The following SYN3 variants were observed in gnomAD, a reference collection of about 807,000 sequenced individuals.
SYN3 encodes the protein synapsin III.
SYN3 carries 35 observed loss-of-function variants against 65.8 expected under a neutral mutation model. The ratio of observed to expected loss-of-function variants is 0.53; its 90% confidence interval spans 0.41 to 0.70. SYN3 has a LOEUF of 0.70. SYN3 is among the 30% of genes least tolerant of loss of function. SYN3 has a pLI of 0.00. For missense variants in SYN3, 680 were observed against 749.0 expected (o/e 0.91, Z 1.08); for synonymous variants, 270 against 292.9 (o/e 0.92, Z 0.80).
chr22:32,559,108 T>G (rs961425907), intron 7 of SYN3, among the ~76,000 whole-genome samples: 1 of 152,204 alleles, frequency 6.6e-6, no homozygotes, highest in African/African-American at 2.4e-5. Flanking sequence ...GTACTACTAT[T>G]CCCATTTCAT....
intron 4 of SYN3, among the ~76,000 whole-genome samples, chr22:32,888,771 A>G (rs1318843105): frequency 6.6e-6 from 1 of 152,208 alleles, no homozygotes; most frequent in Admixed American, 6.5e-5. Flanking sequence ...ATGACACTCA[A>G]TGGAAATGGT....
intron 6 of SYN3, among the ~76,000 whole-genome samples, chr22:32,602,399 CT>C (rs1257383575): frequency 6.6e-6 from 1 of 152,114 alleles, no homozygotes; most frequent in Non-Finnish European, 1.5e-5. Flanking sequence ...GTATACACCC[CT>C]CCTCCCATGT....
intron 6 of SYN3, among the ~76,000 whole-genome samples, chr22:32,599,879 C>A (rs1335034182): frequency 6.6e-6 from 1 of 152,088 alleles, no homozygotes; most frequent in Non-Finnish European, 1.5e-5. Context: ...TGCTTGGACC[C>A]ATGGGCTGTA....
At position 32,836,191 on chromosome 22, in the gene SYN3, G is replaced by A. The variant is rs187791714; in HGVS notation, c.711+28724C>T. On this transcript the variant is annotated intron_variant, in intron 6 of 13. Transcript: ENST00000358763. The stretch of plus-strand genomic sequence containing the variant: ...TGGGGAATGGTTTTAAGAGTAAGAT[G>A]TACTGTTTGTAAAGTGTGTCTGTCT... 1.8e-4 allele frequency among the ~76,000 whole-genome samples: 28 copies of A among 152,328 alleles called. No individual in the cohort carries two copies. The East Asian group carries it at 4.0e-3, about 22-fold the overall frequency.
intron 3 of SYN3, among the ~76,000 whole-genome samples, chr22:32,950,384 C>G (rs1323664128): frequency 6.6e-6 from 1 of 152,088 alleles, no homozygotes; most frequent in South Asian, 2.1e-4. Context: ...GGGGGTGATT[C>G]TGGCCTCCAC....
chr22:32,738,521 T>A (rs1308158462), intron 6 of SYN3, among the ~76,000 whole-genome samples: 1 of 152,238 alleles, frequency 6.6e-6, no homozygotes, highest in East Asian at 1.9e-4. Flanking sequence ...GATATCTGAT[T>A]TCCTGTAAAA....
intron 1 of SYN3, among the ~76,000 whole-genome samples, chr22:33,013,942 T>C (rs1310737593): frequency 6.6e-6 from 1 of 151,990 alleles, no homozygotes; most frequent in African/African-American, 2.4e-5. Context: ...TCTCACTCTG[T>C]TGCCCAGGCT....
chr22:32,769,975 T>C (rs182468345), intron 6 of SYN3, among the ~76,000 whole-genome samples: 11 of 152,328 alleles, frequency 7.2e-5, no homozygotes, highest in African/African-American at 2.4e-4. Flanking sequence ...ACATGTCCCA[T>C]TGGAGGCCTA....
At position 32,626,241 on chromosome 22, in the gene SYN3, C is replaced by T. The variant is rs1326323195; in HGVS notation, c.712-29505G>A. Among the ~76,000 whole-genome samples, 3 of 152,274 alleles carry T rather than the reference C, an allele frequency of 2.0e-5. No individual in the cohort carries two copies. The East Asian group carries it at 5.8e-4, about 29-fold the overall frequency. On this transcript the variant is annotated intron_variant, in intron 6 of 13. Coordinates refer to ENST00000358763, the MANE Select transcript of SYN3 (RefSeq NM_003490.4). ...AGGCAGGACACACCACACATCTTTC[C>T]TGCCACCCTCCTCTGCACCCAGGGA...
chr22:33,034,494 C>A (rs937525297), intron 1 of SYN3, among the ~76,000 whole-genome samples: 7 of 152,024 alleles, frequency 4.6e-5, no homozygotes, highest in African/African-American at 1.7e-4. Flanking sequence ...GATCTGCCCA[C>A]CTCGGCCTCC....
At chr22:32,920,504 G>C (rs1274587761) in intron 4 of SYN3, among the ~76,000 whole-genome samples, 3 of 152,140 alleles carry the variant, frequency 2.0e-5, no homozygotes. Flanking sequence ...GCCACCCTGG[G>C]TTTGGGTTTG....
intron 6 of SYN3, among the ~76,000 whole-genome samples, chr22:32,624,034 C>G (rs1054922741): frequency 6.6e-6 from 1 of 152,250 alleles, no homozygotes; most frequent in South Asian, 2.1e-4. Flanking sequence ...TGCCAGCCCT[C>G]TCCTTCTATG....
intron 6 of SYN3, among the ~76,000 whole-genome samples, chr22:32,636,417 A>G (rs1267654647): frequency 8.8e-6 from 1 of 114,046 alleles, no homozygotes; most frequent in East Asian, 1.9e-4. Flanking sequence ...AAAAAAAAAA[A>G]AGAAAAGAAA....
intron 6 of SYN3, among the ~76,000 whole-genome samples, chr22:32,643,874 A>C (rs1270328894): frequency 6.6e-6 from 1 of 151,440 alleles, no homozygotes; most frequent in Non-Finnish European, 1.5e-5. Flanking sequence ...GGTGGATCAC[A>C]AGGTCAGGAG....
intron 2 of SYN3, among the ~76,000 whole-genome samples, chr22:33,001,990 T>C (rs1003880488): frequency 6.6e-6 from 1 of 152,070 alleles, no homozygotes; most frequent in Non-Finnish European, 1.5e-5. Context: ...AATGTTGGGA[T>C]GAAGAGAGAG....
At chr22:32,718,658 A>G (rs2061073183) in intron 6 of SYN3, among the ~76,000 whole-genome samples, 1 of 152,220 alleles carries the variant, frequency 6.6e-6, no homozygotes, top group African/African-American at 2.4e-5. Context: ...ACCAAAAAAA[A>G]AAAATCAACC....
intron 7 of SYN3, among the ~76,000 whole-genome samples, chr22:32,550,367 A>T (rs927500333): frequency 1.9e-5 from 1 of 51,930 alleles, no homozygotes; most frequent in South Asian, 1.1e-3. Flanking sequence ...ACCACATTAA[A>T]AAAAAAAAAA....
intron 10 of SYN3, among the ~76,000 whole-genome samples, chr22:32,530,786 C>T (rs181741946): frequency 1.3e-5 from 2 of 152,026 alleles, no homozygotes; most frequent in East Asian, 1.9e-4. Flanking sequence ...GGGCGGATCA[C>T]GAGGTCAGGA....
intron 6 of SYN3, among the ~76,000 whole-genome samples, chr22:32,819,150 T>C (rs1475847031): frequency 1.3e-5 from 2 of 152,208 alleles, no homozygotes; most frequent in Non-Finnish European, 2.9e-5. Context: ...TTTTTTCCAC[T>C]AGGGAGTGAG....
Sources: gnomAD v4.1 joint callset for allele counts (sites outside exome capture counted in the v4.1 genomes callset) on GRCh38, gnomAD v4.1.1 for gene constraint, MANE v1.5 for transcripts, NCBI Gene and HGNC (gene_info 2026-07-23, HGNC 2026-07-21) for gene names.